Variants in C12orf42 observed in about 807,000 individuals in gnomAD.
C12orf42 encodes the protein chromosome 12 open reading frame 42, also known as uncharacterized protein C12orf42.
C12orf42 carries 25 observed loss-of-function variants against 21.6 expected under a neutral mutation model. That is an observed-to-expected ratio of 1.16 (90% CI 0.84 to 1.62). The LOEUF (loss-of-function observed/expected upper bound fraction) is 1.62. Ranked by LOEUF, C12orf42 falls within the 40% of genes most tolerant of loss-of-function variation. The pLI is 0.00. For missense variants in C12orf42, 483 were observed against 459.3 expected, an observed-to-expected ratio of 1.05 and a Z score of -0.47; for synonymous variants, 174 against 175.0, an observed-to-expected ratio of 0.99 and a Z score of 0.05.
chr12:103,321,271 T>C (rs896743525), intron 4 of C12orf42, among the ~76,000 whole-genome samples: 2 of 151,398 alleles, frequency 1.3e-5, no homozygotes, highest in African/African-American at 4.9e-5. Flanking sequence ...AAAATGCTCA[T>C]CATCACTGGC....
intron 4 of C12orf42, among the ~76,000 whole-genome samples, chr12:103,339,152 C>G (rs1000890691): frequency 6.6e-6 from 1 of 152,158 alleles, no homozygotes; most frequent in Non-Finnish European, 1.5e-5. Context: ...TTTGGGCTCT[C>G]AAAGGCAGGA....
chr12:103,414,973 A>C (rs1252878623), intron 2 of C12orf42, among the ~76,000 whole-genome samples: 1 of 152,100 alleles, frequency 6.6e-6, no homozygotes, highest in Non-Finnish European at 1.5e-5. Context: ...ACAGAATAGC[A>C]GTCTGGATAA....
At chr12:103,099,565 G>A in the C12orf42 span, among the ~76,000 whole-genome samples, 4 of 152,280 alleles carry the variant, frequency 2.6e-5, no homozygotes, top group Admixed American at 6.5e-5. Context: ...TGTCAAATAC[G>A]AAGCCAATTA....
chr12:103,346,557 A>G (rs917581637), intron 4 of C12orf42, among the ~76,000 whole-genome samples: 1 of 152,154 alleles, frequency 6.6e-6, no homozygotes, highest in South Asian at 2.1e-4. Flanking sequence ...CACGCAAGAG[A>G]GTCCTGAAAT....
intron 1 of C12orf42, among the ~76,000 whole-genome samples, chr12:103,483,809 C>G (rs916436724): frequency 2.0e-5 from 3 of 152,106 alleles, no homozygotes; most frequent in African/African-American, 7.2e-5. Flanking sequence ...CTATCCCTCC[C>G]CCAGCCCCCA....
chr12:103,498,331 C>A (rs1318245053), upstream of C12orf42, among the ~76,000 whole-genome samples: 1 of 152,194 alleles, frequency 6.6e-6, no homozygotes, highest in Non-Finnish European at 1.5e-5. Context: ...TGGCACATAG[C>A]AGATGCTCAA....
intron 4 of C12orf42, among the ~76,000 whole-genome samples, chr12:103,323,235 G>A (rs575567486): frequency 6.6e-5 from 10 of 152,176 alleles, no homozygotes; most frequent in Non-Finnish European, 1.3e-4. Flanking sequence ...AACTCCTGAA[G>A]CGGATTTCTA....
the C12orf42 span, among the ~76,000 whole-genome samples, chr12:103,193,172 A>G: frequency 6.6e-6 from 1 of 152,056 alleles, no homozygotes; most frequent in South Asian, 2.1e-4. Context: ...TTAAAAAATT[A>G]GAAAATATCT....
intron 2 of C12orf42, among the ~76,000 whole-genome samples, chr12:103,424,734 T>C (rs1555294390): frequency 6.6e-6 from 1 of 152,230 alleles, no homozygotes; most frequent in Non-Finnish European, 1.5e-5. Context: ...AAGCACAAAC[T>C]GGGCAGCCGT....
At chr12:103,063,172 C>A in the C12orf42 span, among the ~76,000 whole-genome samples, 3 of 152,154 alleles carry the variant, frequency 2.0e-5, no homozygotes, top group South Asian at 6.2e-4. Context: ...GACAAAGTGA[C>A]GAAAGAAAAT....
At chr12:103,417,601 C>G (rs535896746) in intron 2 of C12orf42, among the ~76,000 whole-genome samples, 8 of 152,292 alleles carry the variant, frequency 5.3e-5, no homozygotes, top group African/African-American at 1.7e-4. Context: ...CTCTCCTATC[C>G]GCATCCAGGT....
intron 2 of C12orf42, among the ~76,000 whole-genome samples, chr12:103,449,492 A>C (rs897609460): frequency 6.6e-6 from 1 of 152,044 alleles, no homozygotes; most frequent in African/African-American, 2.4e-5. Context: ...ATATTGAAAT[A>C]AAAAATAAAT....
At chr12:103,397,709 G>T (rs1390026538) in intron 3 of C12orf42, 1 of 152,166 alleles carries the variant, frequency 6.6e-6, no homozygotes, top group Non-Finnish European at 1.5e-5. Flanking sequence ...GGTGGAAATT[G>T]TTGAGTCAAA....
the C12orf42 span, among the ~76,000 whole-genome samples, chr12:103,146,610 A>AAG: frequency 3.4e-5 from 5 of 147,796 alleles, no homozygotes; most frequent in Non-Finnish European, 4.5e-5. Context: ...GAAAGAAAGA[A>AAG]AAAGAAAAGT....
At chr12:103,110,552 G>A in the C12orf42 span, among the ~76,000 whole-genome samples, 1 of 152,068 alleles carries the variant, frequency 6.6e-6, no homozygotes, top group Non-Finnish European at 1.5e-5. Context: ...TAAGTGGTGG[G>A]TACAAAGAAG....
chr12:103,430,969 A>G (rs1231825274), intron 2 of C12orf42, among the ~76,000 whole-genome samples: 1 of 152,154 alleles, frequency 6.6e-6, no homozygotes, highest in Non-Finnish European at 1.5e-5. Flanking sequence ...GTTGAGGGGT[A>G]GGGAGATAGG....
intron 4 of C12orf42, among the ~76,000 whole-genome samples, chr12:103,293,853 T>C (rs1310770312): frequency 6.6e-6 from 1 of 152,158 alleles, no homozygotes; most frequent in Non-Finnish European, 1.5e-5. Context: ...AAATTAACTT[T>C]TAATTTTCAG....
At chr12:103,396,005 T>C (rs2047498344) in intron 3 of C12orf42, among the ~76,000 whole-genome samples, 1 of 148,664 alleles carries the variant, frequency 6.7e-6, no homozygotes, top group Admixed American at 6.8e-5. Context: ...TAACATAACA[T>C]ATATAAAACA....
the C12orf42 span, chr12:103,548,008 A>G: frequency 6.6e-6 from 1 of 152,212 alleles, no homozygotes; most frequent in Non-Finnish European, 1.5e-5. Context: ...TTGCAAGAAA[A>G]TCTTGTTCAA....
Sources: gnomAD v4.1 joint callset for allele counts (sites outside exome capture counted in the v4.1 genomes callset) on GRCh38, gnomAD v4.1.1 for gene constraint, MANE v1.5 for transcripts, NCBI Gene and HGNC (gene_info 2026-07-23, HGNC 2026-07-21) for gene names.